CSF2RA: variants seen among roughly 807,000 people sequenced by gnomAD.
The protein encoded by CSF2RA is granulocyte-macrophage colony-stimulating factor receptor subunit alpha.
CSF2RA carries 42 observed loss-of-function variants against 51.6 expected under a neutral mutation model. That is an observed-to-expected ratio of 0.81 (90% CI 0.64 to 1.05). The LOEUF (loss-of-function observed/expected upper bound fraction) is 1.05, where lower values mean the gene tolerates loss of function less well. Ranked by LOEUF, CSF2RA falls within the 50% of genes least tolerant of loss-of-function variation. The pLI is 0.00. For missense variants in CSF2RA, 530 were observed against 501.1 expected, an observed-to-expected ratio of 1.06 and a Z score of -0.55; for synonymous variants, 222 against 193.0, an observed-to-expected ratio of 1.15 and a Z score of -1.24.
chrX:1,312,875 C>T (rs1221741883), downstream of CSF2RA, among the ~76,000 whole-genome samples: 2 of 151,934 alleles, frequency 1.3e-5, no homozygotes, highest in Non-Finnish European at 2.9e-5. Flanking sequence ...TACCCCTGAC[C>T]TTTTGATTCA....
the CSF2RA span, among the ~76,000 whole-genome samples, chrX:1,318,643 C>T: frequency 0.047 from 7,158 of 150,996 alleles, 248 homozygotes; most frequent in South Asian, 0.11. Flanking sequence ...GCTGACCGGG[C>T]GCGGTGGCTC....
the CSF2RA span, among the ~76,000 whole-genome samples, chrX:1,317,531 G>A: frequency 2.7e-4 from 41 of 149,370 alleles, 1 homozygote; most frequent in South Asian, 7.2e-3. Context: ...GGTTGCAGGC[G>A]TGAGCCACCA....
chrX:1,300,559 T>A lies in CSF2RA; in HGVS notation c.879T>A (p.Ser293Arg), dbSNP rs1477232958. 1.9e-6 allele frequency: 3 copies of A among 1,613,758 alleles called. No homozygotes were observed. In the East Asian group the frequency reaches 6.7e-5, roughly 36 times the overall value. The stretch of plus-strand genomic sequence containing the variant: ...GCTCTGAGCCCAGAGCAAAACACAG[T>A]GTGAAGATCAGAGCTGCAGACGTCC... ...FPSSEPRAKH[S>R]VKIRAADVRI... The change falls in exon 10 of 13, where the codon AGT becomes AGA. Residue 293 changes from serine (S) to arginine (R), a missense_variant. Transcript: ENST00000381529.
intron 11 of CSF2RA, among the ~76,000 whole-genome samples, chrX:1,304,564 T>TGAA (rs2148658216): frequency 6.6e-6 from 1 of 151,692 alleles, no homozygotes; most frequent in South Asian, 2.1e-4. Context: ...TCACTGCTGT[T>TGAA]GAAGGGCTGA....
At chrX:1,322,216 C>G in the CSF2RA span, among the ~76,000 whole-genome samples, 1 of 151,764 alleles carries the variant, frequency 6.6e-6, no homozygotes, top group Non-Finnish European at 1.5e-5. Flanking sequence ...AGTGATTCTC[C>G]TGTCTCAGCC....
At chrX:1,310,818 C>T (rs182181095), downstream of CSF2RA, among the ~76,000 whole-genome samples, 8 of 152,120 alleles carry the variant, frequency 5.3e-5, no homozygotes, top group Non-Finnish European at 8.8e-5. Context: ...AAATTTGGTT[C>T]TCCGGGTTGG....
downstream of CSF2RA, among the ~76,000 whole-genome samples, chrX:1,312,550 C>T (rs192198666): frequency 1.7e-3 from 262 of 152,266 alleles, 1 homozygote; most frequent in African/African-American, 5.9e-3. Flanking sequence ...ATTATTCTGT[C>T]TCCCACATGG....
chrX:1,289,913 T>G (rs2091207156), intron 6 of CSF2RA, among the ~76,000 whole-genome samples: 1 of 131,948 alleles, frequency 7.6e-6, no homozygotes, highest in Non-Finnish European at 1.8e-5. Context: ...TTTTGTGTTT[T>G]GTTTTTGTGT....
intron 1 of CSF2RA, among the ~76,000 whole-genome samples, chrX:1,269,508 A>T (rs1340286749): frequency 2.0e-5 from 3 of 152,074 alleles, no homozygotes; most frequent in Non-Finnish European, 2.9e-5. Flanking sequence ...CTGTAATCCC[A>T]CCTACTCAGG....
intron 2 of CSF2RA, among the ~76,000 whole-genome samples, chrX:1,277,593 CAAAAAAAAAAAAA>C (rs749833246): frequency 4.3e-5 from 3 of 70,436 alleles, no homozygotes; most frequent in Non-Finnish European, 7.3e-5. Flanking sequence ...AAGTCCATCT[CAAAAAAAAAAAAA>C]AAAAAAAAAA....
At chrX:1,288,693 G>A (rs1248719672) in intron 5 of CSF2RA, 51 bp downstream of exon 5, 10 of 1,613,814 alleles carry the variant, frequency 6.2e-6, no homozygotes, top group Middle Eastern at 1.7e-4. Flanking sequence ...CCACCACCCC[G>A]CCAGCATCAA....
chrX:1,320,862 CAG>C, the CSF2RA span, among the ~76,000 whole-genome samples: 1 of 150,962 alleles, frequency 6.6e-6, no homozygotes, highest in South Asian at 2.1e-4. Flanking sequence ...TGTTTTGAGA[CAG>C]AGTCTCACTC....
chrX:1,284,205 T>C (rs1232099634), intron 3 of CSF2RA, among the ~76,000 whole-genome samples: 2 of 136,792 alleles, frequency 1.5e-5, no homozygotes, highest in Non-Finnish European at 3.1e-5. Context: ...CTTTTTTTTT[T>C]TTTTTTTTTT....
intron 1 of CSF2RA, among the ~76,000 whole-genome samples, chrX:1,274,513 C>CA (rs2088884796): frequency 9.6e-5 from 1 of 10,454 alleles, no homozygotes. Context: ...TTAGTAGAGA[C>CA]GGGGTTTCAC....
chrX:1,272,980 T>G (rs1447266970), intron 1 of CSF2RA, among the ~76,000 whole-genome samples: 1 of 151,032 alleles, frequency 6.6e-6, no homozygotes, highest in African/African-American at 2.4e-5. Flanking sequence ...CACTACTGCC[T>G]GAGTAATTTT....
At chrX:1,271,286 T>C (rs2088370160) in intron 1 of CSF2RA, among the ~76,000 whole-genome samples, 2 of 71,170 alleles carry the variant, frequency 2.8e-5, no homozygotes, top group Non-Finnish European at 6.1e-5. Context: ...GCCTCCTGAG[T>C]AGCTGGGATT....
chrX:1,281,050 TCC>T lies in CSF2RA; in HGVS notation c.-26-1625_-26-1624del, dbSNP rs1439939613. ...CTCCTCCTCCTCATTCTCCTCCTGC[TCC>T]CCTTCTCCTCCTCCTTCTCCTCCTC... On this transcript the variant is annotated intron_variant, in intron 2 of 12. Transcript: ENST00000381529. Among the ~76,000 whole-genome samples the T allele has an allele frequency of 7.9e-3, 123 of 15,508 alleles. 2 individuals carry two copies. Among genetic ancestry groups the T allele is most frequent in the Non-Finnish European group, 9.3e-3 (67 of 7,194 alleles). The allele number at this position is 15,508 out of a possible 152,430, so 10.2% of individuals were successfully genotyped here.
intron 4 of CSF2RA, among the ~76,000 whole-genome samples, chrX:1,286,537 C>G (rs1204343222): frequency 1.3e-5 from 2 of 151,374 alleles, no homozygotes; most frequent in Non-Finnish European, 2.9e-5. Context: ...CCATTGCACT[C>G]CAGCCTGGGC....
chrX:1,271,218 C>T (rs757868394), intron 1 of CSF2RA, among the ~76,000 whole-genome samples: 38,908 of 75,088 alleles, frequency 0.52, 11,193 homozygotes, highest in Middle Eastern at 0.64. Context: ...AGGGCAGTGG[C>T]GCGATCTCTG....
Sources: allele counts gnomAD v4.1 joint callset (sites outside exome capture counted in the v4.1 genomes callset), GRCh38; gene constraint gnomAD v4.1.1; transcripts MANE v1.5; gene names NCBI Gene and HGNC (gene_info 2026-07-23, HGNC 2026-07-21).